The following TMEM71 variants were observed in gnomAD, a reference collection of about 807,000 sequenced individuals.
The protein encoded by TMEM71 is transmembrane protein 71.
In TMEM71, 44 loss-of-function variants were observed where a neutral mutation model predicts 38.0. That is an observed-to-expected ratio of 1.16 (90% CI 0.91 to 1.49). TMEM71 has a LOEUF of 1.49. Ranked by LOEUF, TMEM71 falls within the 40% of genes most tolerant of loss-of-function variation. The pLI is 0.00. For synonymous variants in TMEM71, 133 were observed against 122.5 expected (o/e 1.09, Z -0.56); for missense variants, 367 against 348.6 (o/e 1.05, Z -0.42).
chr8:132,771,120 G>A, the TMEM71 span, among the ~76,000 whole-genome samples: 4 of 152,152 alleles, frequency 2.6e-5, no homozygotes, highest in African/African-American at 7.2e-5. Context: ...GCAGTATCAC[G>A]AGTGGATTCC....
intron 5 of TMEM71, among the ~76,000 whole-genome samples, chr8:132,735,960 A>T (rs1422978482): frequency 1.3e-5 from 2 of 152,246 alleles, no homozygotes; most frequent in Non-Finnish European, 2.9e-5. Flanking sequence ...GGAAAATGTA[A>T]CCTTATTTAA....
rs561371632 is a variant in TMEM71, at chr8:132,756,631, A to G, written c.101+603T>C. Among the ~76,000 whole-genome samples, 7 of 151,532 alleles carry G rather than the reference A, an allele frequency of 4.6e-5. No homozygotes were observed. The South Asian group carries it at 6.2e-4, about 14-fold the overall frequency. On this transcript the variant is annotated intron_variant, in intron 3 of 9. Transcript: ENST00000677595. ...ATTTTGAGACTCGCTCTGTTGCCCA[A>G]GCTGGAGTGCAGTGGTGTAGTCTTG... is the stretch of plus-strand genomic sequence containing the variant.
At chr8:132,707,538 G>A (rs1295835293), downstream of TMEM71, among the ~76,000 whole-genome samples, 1 of 152,160 alleles carries the variant, frequency 6.6e-6, no homozygotes, top group Non-Finnish European at 1.5e-5. Context: ...AGTTATCTCG[G>A]GAGTAGGTTC....
intron 7 of TMEM71, among the ~76,000 whole-genome samples, chr8:132,718,696 C>T (rs1826674882): frequency 6.6e-6 from 1 of 152,172 alleles, no homozygotes; most frequent in African/African-American, 2.4e-5. Context: ...CGTGCCCAGC[C>T]CCCCTACCTG....
At chr8:132,758,539 T>A (rs987332813) in intron 2 of TMEM71, 1 of 288,376 alleles carries the variant, frequency 3.5e-6, no homozygotes, top group Non-Finnish European at 6.4e-6. Flanking sequence ...GCATTTTTTA[T>A]ATACAAACAG....
At chr8:132,726,477 A>C (rs547715570) in intron 6 of TMEM71, among the ~76,000 whole-genome samples, 4 of 152,242 alleles carry the variant, frequency 2.6e-5, no homozygotes, top group Non-Finnish European at 4.4e-5. Context: ...TAGACATGAC[A>C]TAGTATGCTA....
At chr8:132,721,008 A>T (rs1431336089) in intron 7 of TMEM71, among the ~76,000 whole-genome samples, 1 of 152,254 alleles carries the variant, frequency 6.6e-6, no homozygotes, top group Non-Finnish European at 1.5e-5. Context: ...AAAGAAAAGT[A>T]AAGCAAGGTG....
At chr8:132,716,987 C>T (rs1826568729) in intron 7 of TMEM71, among the ~76,000 whole-genome samples, 1 of 152,168 alleles carries the variant, frequency 6.6e-6, no homozygotes, top group African/African-American at 2.4e-5. Flanking sequence ...GGAAGGAAAA[C>T]AAAGTTGGAA....
intron 3 of TMEM71, among the ~76,000 whole-genome samples, chr8:132,753,337 G>A (rs1828829537): frequency 6.6e-6 from 1 of 150,914 alleles, no homozygotes; most frequent in Admixed American, 6.6e-5. Context: ...TCAATTAACA[G>A]CACTGATAGT....
intron 6 of TMEM71, among the ~76,000 whole-genome samples, chr8:132,723,763 C>G (rs1052517983): frequency 2.0e-5 from 3 of 152,140 alleles, no homozygotes; most frequent in African/African-American, 7.2e-5. Context: ...GGTGAAGTGA[C>G]TGATTTTTTC....
rs549902434 is a variant in TMEM71, at chr8:132,718,009, A to G, written c.753-3794T>C. On this transcript the variant is annotated intron_variant, in intron 7 of 9. Coordinates refer to ENST00000677595, the MANE Select transcript of TMEM71 (RefSeq NM_001382403.1). The stretch of plus-strand genomic sequence containing the variant: ...CCAGACACAGAAGTCCACATATTGT[A>G]TAACTCTATAGGAAATGTCCAGAAT... 2.0e-5 allele frequency among the ~76,000 whole-genome samples: 3 copies of G among 152,366 alleles called. No homozygotes were observed. In the South Asian group the frequency reaches 6.2e-4, roughly 32 times the overall value.
the TMEM71 span, among the ~76,000 whole-genome samples, chr8:132,768,440 T>C: frequency 6.6e-6 from 1 of 152,124 alleles, no homozygotes; most frequent in African/African-American, 2.4e-5. Flanking sequence ...GCTGCTAATG[T>C]GTCTTTTTAG....
the TMEM71 span, among the ~76,000 whole-genome samples, chr8:132,768,647 T>TA: frequency 1.3e-5 from 2 of 152,156 alleles, no homozygotes. Flanking sequence ...CTCTGTTGAA[T>TA]GTTTTGCAAA....
intron 5 of TMEM71, among the ~76,000 whole-genome samples, chr8:132,734,012 G>A (rs1827605263): frequency 6.6e-6 from 1 of 152,086 alleles, no homozygotes; most frequent in Non-Finnish European, 1.5e-5. Flanking sequence ...GTTTGGGTGG[G>A]GGAAATTGGG....
intron 5 of TMEM71, among the ~76,000 whole-genome samples, chr8:132,740,444 T>C (rs1198858866): frequency 2.6e-5 from 4 of 152,258 alleles, no homozygotes; most frequent in Non-Finnish European, 5.9e-5. Context: ...ATAATTTATT[T>C]ATTGTCTATC....
intron 6 of TMEM71, among the ~76,000 whole-genome samples, chr8:132,722,553 T>A (rs1826915912): frequency 6.6e-6 from 1 of 152,220 alleles, no homozygotes; most frequent in Non-Finnish European, 1.5e-5. Flanking sequence ...GTGAGGTGGA[T>A]GCCATTATCT....
At chr8:132,754,514 G>T (rs534178961) in intron 3 of TMEM71, among the ~76,000 whole-genome samples, 1 of 152,218 alleles carries the variant, frequency 6.6e-6, no homozygotes, top group African/African-American at 2.4e-5. Context: ...TGTTGTTATT[G>T]TTGTTGTTGT....
intron 6 of TMEM71, among the ~76,000 whole-genome samples, chr8:132,726,803 G>A (rs1827166122): frequency 1.3e-5 from 2 of 151,848 alleles, no homozygotes; most frequent in South Asian, 4.2e-4. Context: ...TTCCTTGTCA[G>A]AAGCATAGCA....
the TMEM71 span, chr8:132,775,529 C>A: frequency 8.1e-6 from 3 of 372,608 alleles, no homozygotes; most frequent in Non-Finnish European, 1.4e-5. Context: ...CGCTCCTGCT[C>A]CCTCCCCGGC....
Sources: allele counts gnomAD v4.1 joint callset (sites outside exome capture counted in the v4.1 genomes callset), GRCh38; gene constraint gnomAD v4.1.1; transcripts MANE v1.5; gene names NCBI Gene and HGNC (gene_info 2026-07-23, HGNC 2026-07-21).